Variants in PEAK1 observed in about 807,000 individuals in gnomAD.
The protein encoded by PEAK1 is inactive tyrosine-protein kinase PEAK1.
PEAK1 carries 54 observed loss-of-function variants against 124.7 expected under a neutral mutation model. The observed-to-expected ratio is 0.43, with a 90% CI of 0.35 to 0.54. The LOEUF (loss-of-function observed/expected upper bound fraction) is 0.54. Ranked by LOEUF, PEAK1 falls within the 20% of genes least tolerant of loss-of-function variation. The pLI is 0.01. For missense variants in PEAK1, 2,046 were observed against 2,134.5 expected (o/e 0.96, Z 0.82); for synonymous variants, 719 against 760.0 (o/e 0.95, Z 0.89).
At chr15:77,359,699 T>C (rs1233486802) in intron 2 of PEAK1, among the ~76,000 whole-genome samples, 2 of 152,110 alleles carry the variant, frequency 1.3e-5, no homozygotes, top group Non-Finnish European at 2.9e-5. Context: ...AGAATACTAT[T>C]AACAAAATAA....
chr15:77,419,752 G>A (rs1030515086), intron 1 of PEAK1, among the ~76,000 whole-genome samples: 8 of 149,822 alleles, frequency 5.3e-5, no homozygotes, highest in Non-Finnish European at 1.0e-4. Flanking sequence ...GAGGGGGCAG[G>A]GGCGGCAGGG....
intron 5 of PEAK1, among the ~76,000 whole-genome samples, chr15:77,269,023 C>A (rs1393655132): frequency 7.9e-5 from 12 of 151,764 alleles, no homozygotes; most frequent in African/African-American, 2.9e-4. Flanking sequence ...AGCTCTAAAT[C>A]TTGAAACAAA....
At chr15:77,197,509 T>C (rs2152840985) in intron 6 of PEAK1, among the ~76,000 whole-genome samples, 1 of 152,320 alleles carries the variant, frequency 6.6e-6, no homozygotes, top group South Asian at 2.1e-4. Context: ...GGTCTAATAA[T>C]TTTTGATAGA....
At chr15:77,155,315 AG>A (rs2055029118) in intron 8 of PEAK1, 1 of 152,062 alleles carries the variant, frequency 6.6e-6, no homozygotes, top group African/African-American at 2.4e-5. Flanking sequence ...ATAGTTCTCG[AG>A]TCTTAGCTTT....
intron 6 of PEAK1, among the ~76,000 whole-genome samples, chr15:77,219,456 C>T (rs1223368755): frequency 1.3e-5 from 2 of 152,046 alleles, no homozygotes; most frequent in African/African-American, 4.8e-5. Context: ...ATTTGGTAAA[C>T]AACAGACAAT....
At position 77,179,082 on chromosome 15, in the gene PEAK1, T is replaced by C. The variant is rs754414498; in HGVS notation, c.2845A>G (p.Lys949Glu). 3 of 1,614,180 alleles carry C rather than the reference T, an allele frequency of 1.9e-6. No homozygotes were observed. The highest frequency in any genetic ancestry group is 2.2e-5 in the South Asian group (2 of 91,086). The change falls in exon 7 of 10, where the codon AAA becomes GAA. Residue 949 changes from lysine to glutamate, a missense_variant. By Grantham distance (56) the Lys-to-Glu change is moderately conservative. Transcript: ENST00000682557. ...EEDDKEKERE[K>E]GKLVGLDGTV... ...CCATCCAGGCCCACCAGTTTCCCTT[T>C]CTCTCGCTCTTTCTCTTTGTCATCC...
intron 6 of PEAK1, among the ~76,000 whole-genome samples, chr15:77,226,044 GATATATATATATATATATATATATAT>G (rs1157824212): frequency 4.2e-4 from 19 of 44,988 alleles, no homozygotes; most frequent in East Asian, 1.3e-3. Context: ...AAAATAAAGG[GATATATATATATATATATATATATAT>G]ATATATATAT....
intron 6 of PEAK1, among the ~76,000 whole-genome samples, chr15:77,235,569 G>A (rs1186106638): frequency 6.6e-6 from 1 of 152,158 alleles, no homozygotes; most frequent in Non-Finnish European, 1.5e-5. Context: ...GAGCATAAAG[G>A]TTTGGAAAAT....
chr15:77,410,283 G>A (rs912215348), intron 1 of PEAK1, among the ~76,000 whole-genome samples: 6 of 151,916 alleles, frequency 3.9e-5, no homozygotes, highest in Admixed American at 3.3e-4. Context: ...GCGCCACCAC[G>A]CCCAGCTAAT....
chr15:77,296,720 C>T (rs954664797), intron 2 of PEAK1, among the ~76,000 whole-genome samples: 5 of 151,202 alleles, frequency 3.3e-5, no homozygotes, highest in African/African-American at 9.8e-5. Context: ...TGGTAGAGGA[C>T]GAGTTTATCC....
In PEAK1 at chr15:77,300,730, C is replaced by T. The variant is rs1304753961; in HGVS notation, c.-602-14226G>A. On this transcript the variant is annotated intron_variant, in intron 2 of 9. Coordinates refer to ENST00000682557, the MANE Select transcript of PEAK1 (RefSeq NM_001385026.1). Reference sequence around the variant, plus strand: ...TCACATTACATTTATTCTCCTTAGGCTAGTCTTGGTTGTGACAGTTTCTCA... The same window carrying T: ...TCACATTACATTTATTCTCCTTAGGTTAGTCTTGGTTGTGACAGTTTCTCA... Among the ~76,000 whole-genome samples, 3 of 152,266 alleles carry T rather than the reference C, an allele frequency of 2.0e-5. No individual in the cohort carries two copies. In the East Asian group the frequency reaches 5.8e-4, roughly 29 times the overall value.
intron 7 of PEAK1, among the ~76,000 whole-genome samples, chr15:77,169,845 T>C (rs551363298): frequency 1.6e-4 from 24 of 152,284 alleles, no homozygotes; most frequent in African/African-American, 5.5e-4. Flanking sequence ...CTTGAGCAAC[T>C]GAATGAATGG....
Position 77,158,536 on chromosome 15 carries a change from G to C in PEAK1, c.3298C>G (p.Pro1100Ala). 6.2e-7 allele frequency: 1 copy of C among 1,614,070 alleles called. No homozygotes were observed. Among genetic ancestry groups the C allele is most frequent in the Non-Finnish European group, 8.5e-7 (1 of 1,179,950 alleles). Residue 1100 changes from proline (P) to alanine (A), a missense_variant, in exon 8 of 10, where the codon CCG becomes GCG. Physicochemically the swap from Pro to Ala is conservative, Grantham distance 27. Transcript: ENST00000682557. ...GKEDISDPMD[P>A]NPCSATYSNL... Reference sequence around the variant, plus strand: ...CTGTATGTTGCACTACAAGGGTTCGGGTCCATAGGATCTGAAATGTCTTCT... The same window carrying C: ...CTGTATGTTGCACTACAAGGGTTCGCGTCCATAGGATCTGAAATGTCTTCT...
At chr15:77,202,134 T>C (rs915270981) in intron 6 of PEAK1, among the ~76,000 whole-genome samples, 2 of 152,150 alleles carry the variant, frequency 1.3e-5, no homozygotes, top group Non-Finnish European at 2.9e-5. Context: ...TTGGATGCAG[T>C]TTCACATTTA....
chr15:77,229,154 GA>G (rs2059800355), intron 6 of PEAK1, among the ~76,000 whole-genome samples: 1 of 152,110 alleles, frequency 6.6e-6, no homozygotes, highest in African/African-American at 2.4e-5. Context: ...CCCTGGGAAA[GA>G]AAACAATCTC....
chr15:77,245,187 G>A (rs1033727826), intron 6 of PEAK1, among the ~76,000 whole-genome samples: 11 of 151,688 alleles, frequency 7.3e-5, no homozygotes, highest in African/African-American at 1.9e-4. Flanking sequence ...TTTTGTTTTC[G>A]GTCTTAAATG....
intron 2 of PEAK1, chr15:77,331,083 A>G: frequency 1.4e-6 from 1 of 702,846 alleles, no homozygotes; most frequent in Non-Finnish European, 1.7e-6. Context: ...GACATATACT[A>G]TGTAGTACAT....
chr15:77,198,878 A>C (rs554673510), intron 6 of PEAK1, among the ~76,000 whole-genome samples: 1 of 152,326 alleles, frequency 6.6e-6, no homozygotes, highest in South Asian at 2.1e-4. Flanking sequence ...AAATTCCTAG[A>C]TGCTATTAAG....
At chr15:77,225,885 G>A (rs1290886966) in intron 6 of PEAK1, among the ~76,000 whole-genome samples, 2 of 146,242 alleles carry the variant, frequency 1.4e-5, no homozygotes, top group Non-Finnish European at 3.0e-5. Context: ...ATAAGAGAAT[G>A]CAGCTAGCCA....
Sources: gnomAD v4.1 joint callset for allele counts (sites outside exome capture counted in the v4.1 genomes callset) on GRCh38, gnomAD v4.1.1 for gene constraint, MANE v1.5 for transcripts, NCBI Gene and HGNC (gene_info 2026-07-23, HGNC 2026-07-21) for gene names.